Variants in RGS7 observed in about 807,000 individuals in gnomAD.
RGS7 encodes regulator of G-protein signaling 7.
Under a neutral mutation model 81.1 loss-of-function variants are expected in RGS7, and 27 were observed. The ratio of observed to expected loss-of-function variants is 0.33; its 90% CI spans 0.25 to 0.46. The LOEUF (loss-of-function observed/expected upper bound fraction) is 0.46. Among genes scored for constraint, RGS7 ranks in the 20% least tolerant of loss-of-function variants. RGS7 has a pLI of 1.00. For missense variants in RGS7, 396 were observed against 607.4 expected, an observed-to-expected ratio of 0.65 and a Z score of 3.66; for synonymous variants, 208 against 207.7, an observed-to-expected ratio of 1.00 and a Z score of -0.01.
chr1:241,170,935 G>A (rs1214840775), intron 2 of RGS7, among the ~76,000 whole-genome samples: 2 of 152,156 alleles, frequency 1.3e-5, no homozygotes, highest in Non-Finnish European at 2.9e-5. Flanking sequence ...ATAGTGAGAC[G>A]TGATTGGTGA....
In RGS7 at chr1:240,813,611, C is replaced by A. The variant is rs1448634761; in HGVS notation, c.956+7G>T. On this transcript the variant is annotated splice_region_variant and intron_variant, in intron 13 of 18. Transcript: ENST00000440928. ...CATATGGGCGAGAAAGATAAAATGC[C>A]ACCTACCTTGCCTCAAGTTCCCAGA... 6.4e-7 allele frequency: 1 copy of A among 1,556,982 alleles called. No individual in the cohort carries two copies. The highest frequency in any genetic ancestry group is 2.2e-5 in the East Asian group (1 of 44,642).
intron 2 of RGS7, among the ~76,000 whole-genome samples, chr1:241,226,933 T>C (rs1288657607): frequency 2.0e-5 from 3 of 152,248 alleles, no homozygotes; most frequent in African/African-American, 7.2e-5. Flanking sequence ...GATGCTTTCA[T>C]TAAAAATTCT....
chr1:241,092,087 A>G (rs533547707), intron 3 of RGS7, among the ~76,000 whole-genome samples: 1 of 152,310 alleles, frequency 6.6e-6, no homozygotes, highest in East Asian at 1.9e-4. Flanking sequence ...TCTATATCCA[A>G]ATAGTATTTG....
chr1:240,962,133 C>T (rs780510726), intron 4 of RGS7, among the ~76,000 whole-genome samples: 55 of 152,062 alleles, frequency 3.6e-4, no homozygotes, highest in African/African-American at 1.2e-3. Context: ...TGTCTTCTTC[C>T]GGCAGAAGTC....
intron 3 of RGS7, among the ~76,000 whole-genome samples, chr1:241,060,532 T>G (rs1214817055): frequency 6.6e-6 from 1 of 152,136 alleles, no homozygotes; most frequent in Non-Finnish European, 1.5e-5. Flanking sequence ...ACCAAGAAAC[T>G]GAGAAGTTTC....
chr1:240,818,219 CTCAT>C (rs1018106401), intron 10 of RGS7, among the ~76,000 whole-genome samples: 2 of 151,924 alleles, frequency 1.3e-5, no homozygotes, highest in Non-Finnish European at 2.9e-5. Flanking sequence ...TATTTTTTCA[CTCAT>C]TCATTCATTC....
At chr1:241,315,179 A>G in intron 2 of RGS7, among the ~76,000 whole-genome samples, 1 of 119,180 alleles carries the variant, frequency 8.4e-6, no homozygotes, top group Non-Finnish European at 1.6e-5. Flanking sequence ...TGAGGGAGAG[A>G]GGAGTGCCAG....
chr1:240,860,986 T>G (rs1206144556), intron 9 of RGS7, among the ~76,000 whole-genome samples: 1 of 152,162 alleles, frequency 6.6e-6, no homozygotes, highest in African/African-American at 2.4e-5. Flanking sequence ...CACCATTTTC[T>G]CAACTACTCA....
At chr1:241,027,983 A>C (rs2059877653) in intron 3 of RGS7, among the ~76,000 whole-genome samples, 1 of 152,196 alleles carries the variant, frequency 6.6e-6, no homozygotes, top group Non-Finnish European at 1.5e-5. Context: ...TTTTGAATTA[A>C]GATGAGAGGA....
chr1:241,329,469 C>A (rs1363425164), intron 2 of RGS7, among the ~76,000 whole-genome samples: 1 of 152,066 alleles, frequency 6.6e-6, no homozygotes, highest in Non-Finnish European at 1.5e-5. Context: ...AGATGGGATA[C>A]CCATCACTAA....
intron 4 of RGS7, among the ~76,000 whole-genome samples, chr1:240,943,296 A>G (rs1208887560): frequency 6.6e-6 from 1 of 152,204 alleles, no homozygotes; most frequent in Admixed American, 6.5e-5. Context: ...GTGTGACCTG[A>G]GCAAGAGACT....
intron 7 of RGS7, among the ~76,000 whole-genome samples, chr1:240,869,844 G>A (rs1213522526): frequency 6.6e-6 from 1 of 152,208 alleles, no homozygotes; most frequent in Non-Finnish European, 1.5e-5. Context: ...AGAGGCTGAA[G>A]CAGGAGAATC....
intron 6 of RGS7, among the ~76,000 whole-genome samples, chr1:240,914,289 T>C (rs529974191): frequency 2.0e-5 from 3 of 152,334 alleles, no homozygotes; most frequent in Admixed American, 6.5e-5. Flanking sequence ...GCAAGTCTTA[T>C]TAGCATTCTG....
intron 3 of RGS7, among the ~76,000 whole-genome samples, chr1:241,010,012 C>T (rs2058876582): frequency 6.6e-6 from 1 of 151,970 alleles, no homozygotes; most frequent in Admixed American, 6.6e-5. Context: ...GGGAGGGGAA[C>T]ATCATACACC....
chr1:241,111,677 C>A (rs1184788849), intron 2 of RGS7, among the ~76,000 whole-genome samples: 1 of 152,108 alleles, frequency 6.6e-6, no homozygotes, highest in Non-Finnish European at 1.5e-5. Context: ...GGCCACTGGG[C>A]ATCACAGACT....
At chr1:241,257,295 T>C (rs1374547763) in intron 2 of RGS7, among the ~76,000 whole-genome samples, 2 of 152,074 alleles carry the variant, frequency 1.3e-5, no homozygotes, top group Admixed American at 6.6e-5. Context: ...AACCCTTTTA[T>C]AAGAAAATTA....
intron 2 of RGS7, among the ~76,000 whole-genome samples, chr1:241,183,854 C>T (rs561768435): frequency 1.3e-5 from 2 of 152,132 alleles, no homozygotes; most frequent in South Asian, 2.1e-4. Context: ...CCTTGGCACA[C>T]GAAGGACATC....
chr1:241,155,768 T>C (rs1027739949), intron 2 of RGS7, among the ~76,000 whole-genome samples: 2 of 152,102 alleles, frequency 1.3e-5, no homozygotes, highest in Admixed American at 1.3e-4. Context: ...AGAAACTGCA[T>C]TTTACAACTG....
chr1:241,073,088 GTA>G (rs1424381328), intron 3 of RGS7, among the ~76,000 whole-genome samples: 1 of 152,040 alleles, frequency 6.6e-6, no homozygotes, highest in African/African-American at 2.4e-5. Context: ...TTAATCACAG[GTA>G]TCTCCATGTT....
Sources: allele counts gnomAD v4.1 joint callset (sites outside exome capture counted in the v4.1 genomes callset), GRCh38; gene constraint gnomAD v4.1.1; transcripts MANE v1.5; gene names NCBI Gene and HGNC (gene_info 2026-07-23, HGNC 2026-07-21).